Variants in TMPRSS9 observed in about 807,000 individuals in gnomAD.
TMPRSS9 encodes transmembrane protease serine 9.
A neutral mutation model predicts 111.4 loss-of-function variants in TMPRSS9; 113 were observed. The ratio of observed to expected loss-of-function variants is 1.01; its 90% confidence interval spans 0.87 to 1.19. TMPRSS9 has a LOEUF of 1.19. Ranked by LOEUF, TMPRSS9 falls within the 50% of genes most tolerant of loss-of-function variation. The pLI is 0.00. For missense variants in TMPRSS9, 1,803 were observed against 1,513.1 expected (o/e 1.19, Z -3.18); for synonymous variants, 805 against 659.1 (o/e 1.22, Z -3.39).
chr19:2,374,780 G>A (rs2145251589), intron 1 of TMPRSS9, among the ~76,000 whole-genome samples: 1 of 152,172 alleles, frequency 6.6e-6, no homozygotes. Flanking sequence ...TGAGGTGGGC[G>A]CCGAGTGCAT....
rs761871261 is a variant in TMPRSS9, at chr19:2,422,031, C to A, written c.2332C>A (p.Pro778Thr). 3.5e-5 allele frequency: 57 copies of A among 1,612,672 alleles called. 1 individual carries two copies. Among genetic ancestry groups the A allele is most frequent in the Non-Finnish European group, 4.7e-5 (56 of 1,179,808 alleles). Reference sequence around the variant, plus strand: ...GTCCTCCCAGCCCCTTCCCATGTCTCCCCCCTCGACCACAAGGATGCTGGC... The same window carrying A: ...GTCCTCCCAGCCCCTTCCCATGTCTACCCCCTCGACCACAAGGATGCTGGC... The change falls in exon 14 of 18, where the codon CCC becomes ACC. Residue 778 changes from proline (P) to threonine (T), a missense_variant. Pro to Thr is a conservative substitution (Grantham distance 38, BLOSUM62 -1). Transcript: ENST00000648592.
chr19:2,402,584 C>G (rs1024476372), intron 5 of TMPRSS9, among the ~76,000 whole-genome samples: 1 of 151,668 alleles, frequency 6.6e-6, no homozygotes, highest in African/African-American at 2.4e-5. Context: ...ACTAAAAATA[C>G]AAAATTAGCC....
chr19:2,384,541 C>T (rs569802236), intron 1 of TMPRSS9, among the ~76,000 whole-genome samples: 5 of 150,714 alleles, frequency 3.3e-5, no homozygotes, highest in Admixed American at 1.3e-4. Flanking sequence ...TGTGGTCAGG[C>T]GCGGTGGCTC....
intron 1 of TMPRSS9, among the ~76,000 whole-genome samples, chr19:2,377,293 A>ATG (rs1970344552): frequency 3.1e-5 from 2 of 65,104 alleles, no homozygotes; most frequent in Non-Finnish European, 5.5e-5. Flanking sequence ...ATGTATGTAT[A>ATG]TATGTATGTA....
At chr19:2,369,652 T>G (rs1970274163) in intron 1 of TMPRSS9, among the ~76,000 whole-genome samples, 1 of 148,700 alleles carries the variant, frequency 6.7e-6, no homozygotes, top group Non-Finnish European at 1.5e-5. Context: ...TTGCCTACAC[T>G]GATCTCAAAG....
intron 6 of TMPRSS9, 151 bp from the exon 8 acceptor site, chr19:2,405,223 C>A: frequency 2.1e-6 from 2 of 947,306 alleles, no homozygotes; most frequent in East Asian, 3.0e-5. Context: ...ATGGGGAGAC[C>A]CCAGAAGAGT....
intron 15 of TMPRSS9, among the ~76,000 whole-genome samples, chr19:2,424,534 G>GCCCCC (rs879741232): frequency 2.2e-5 from 3 of 134,238 alleles, no homozygotes; most frequent in African/African-American, 9.1e-5. Context: ...GGAAGCTGCG[G>GCCCCC]CCCCCCCCCT....
At chr19:2,405,510 C>T in exon 7 of TMPRSS9, 2 of 1,599,510 alleles carry the variant, frequency 1.3e-6, no homozygotes, top group Non-Finnish European at 1.7e-6. Flanking sequence ...TCATCAACGC[C>T]AGGTGGCTGG....
intron 1 of TMPRSS9, among the ~76,000 whole-genome samples, chr19:2,383,926 C>A (rs142011829): frequency 1.3e-5 from 2 of 152,090 alleles, no homozygotes; most frequent in Non-Finnish European, 1.5e-5. Flanking sequence ...ATAGACTGAA[C>A]CATCCCAGGG....
rs186304506 is a variant in TMPRSS9, at chr19:2,366,950, T to G, written c.-26+6590T>G. Among the ~76,000 whole-genome samples the G allele has an allele frequency of 6.1e-4, 92 of 151,480 alleles. 1 individual carries two copies. The highest frequency in any genetic ancestry group is 2.2e-3 in the African/African-American group (89 of 41,252). On this transcript the variant is annotated intron_variant, in intron 1 of 17. Coordinates refer to the TMPRSS9 transcript ENST00000649857. Reference sequence around the variant, plus strand: ...AGCCACTTCAAAGCTGGTGTCCTCATGTGGCTGTTGGTGGGAGGCCTCAGT... The same window carrying G: ...AGCCACTTCAAAGCTGGTGTCCTCAGGTGGCTGTTGGTGGGAGGCCTCAGT...
intron 1 of TMPRSS9, among the ~76,000 whole-genome samples, chr19:2,363,354 G>C (rs1055069104): frequency 6.6e-6 from 1 of 152,130 alleles, no homozygotes; most frequent in Non-Finnish European, 1.5e-5. Flanking sequence ...CTGGAGCATC[G>C]GAGTTCAAAC....
chr19:2,413,920 C>T (rs764288266), exon 10 of TMPRSS9: 25 of 1,612,726 alleles, frequency 1.6e-5, no homozygotes, highest in Non-Finnish European at 1.9e-5. Flanking sequence ...ACAGCCTGGC[C>T]CACCAGTCCT....
chr19:2,401,102 G>C (rs758234913), intron 4 of TMPRSS9, among the ~76,000 whole-genome samples: 2 of 144,924 alleles, frequency 1.4e-5, no homozygotes, highest in Non-Finnish European at 3.0e-5. Context: ...GTGAAACCCC[G>C]TCTCTACTAA....
At chr19:2,387,420 G>A (rs987145604), upstream of TMPRSS9, among the ~76,000 whole-genome samples, 2 of 152,030 alleles carry the variant, frequency 1.3e-5, no homozygotes, top group East Asian at 1.9e-4. Flanking sequence ...GCTTGAACCT[G>A]GGAGGCAGAG....
chr19:2,406,069 GGC>G (rs1970963462), intron 7 of TMPRSS9, among the ~76,000 whole-genome samples: 1 of 139,770 alleles, frequency 7.2e-6, no homozygotes, highest in Non-Finnish European at 1.5e-5. Context: ...GGAGTGCAGT[GGC>G]GTGATCTCGG....
In TMPRSS9 at chr19:2,416,636, A is replaced by AC; in HGVS notation, c.1849dup (p.Leu617ProfsTer77). 1 of 1,612,484 alleles carries AC rather than the reference A, an allele frequency of 6.2e-7. No individual in the cohort carries two copies. The highest frequency in any genetic ancestry group is 8.5e-7 in the Non-Finnish European group (1 of 1,179,886). ...ATCGGGCTGCGGCGGGTAGTGCTGCACCCCCTCTACAACCCTGGCATCCTG... is the reference window on the plus strand; with the variant it reads ...ATCGGGCTGCGGCGGGTAGTGCTGCACCCCCCTCTACAACCCTGGCATCCTG... On this transcript the variant is annotated frameshift_variant, in exon 12 of 18. Coordinates refer to ENST00000648592, the Ensembl canonical transcript of TMPRSS9. LOFTEE classifies it high-confidence loss of function.
exon 8 of TMPRSS9, chr19:2,408,413 G>A (rs769927959): frequency 8.7e-6 from 14 of 1,613,374 alleles, no homozygotes; most frequent in African/African-American, 2.7e-5. Context: ...TCAGCGGCTC[G>A]GAGGCCAGCA....
chr19:2,374,086 TA>T (rs1330914841), intron 1 of TMPRSS9, among the ~76,000 whole-genome samples: 1 of 152,000 alleles, frequency 6.6e-6, no homozygotes, highest in African/African-American at 2.4e-5. Flanking sequence ...CAGTGCTTTA[TA>T]ACATTTTCCC....
chr19:2,372,456 C>T lies in TMPRSS9; in HGVS notation c.-26+12096C>T, dbSNP rs570487455. On this transcript the variant is annotated intron_variant, in intron 1 of 17. Transcript: ENST00000649857. ...AACCTCCATGCCCACTCTTGTTTCT[C>T]GAAATGGGCTATCTTCCCTCCTTCT... is the stretch of plus-strand genomic sequence containing the variant. 7.2e-5 allele frequency among the ~76,000 whole-genome samples: 11 copies of T among 152,264 alleles called. No individual in the cohort carries two copies. The South Asian group carries it at 1.7e-3, about 23-fold the overall frequency.
Sources: allele counts gnomAD v4.1 joint callset (sites outside exome capture counted in the v4.1 genomes callset), GRCh38; gene constraint gnomAD v4.1.1; transcripts MANE v1.5; gene names NCBI Gene and HGNC (gene_info 2026-07-23, HGNC 2026-07-21).